The following HARS1 variants were observed in gnomAD, a reference collection of about 807,000 sequenced individuals.
HARS1 encodes the protein histidyl-tRNA synthetase 1.
HARS1 carries 45 observed loss-of-function variants against 63.6 expected under a neutral mutation model. That is an observed-to-expected ratio of 0.71 (90% CI 0.56 to 0.91). The LOEUF (loss-of-function observed/expected upper bound fraction) is 0.91, where lower values mean the gene tolerates loss of function less well. HARS1 is among the 40% of genes least tolerant of loss of function. The pLI, the probability that HARS1 is intolerant of heterozygous loss-of-function variation, is 0.00. For synonymous variants in HARS1, 205 were observed against 247.1 expected (o/e 0.83, Z 1.60); for missense variants, 508 against 643.2 (o/e 0.79, Z 2.27).
rs746588443 is a variant in HARS1, at chr5:140,691,305, C to T, written c.-1G>A. The T allele has an allele frequency of 6.2e-6, 10 of 1,602,470 alleles. No individual in the cohort carries two copies. The East Asian group carries it at 2.2e-4, about 36-fold the overall frequency. ...CCTCCAGCGCCGCACGCTCTGCCATCCCGGCTGTCCACTTGAGCCGCCTGC... is the reference window on the plus strand; with the variant it reads ...CCTCCAGCGCCGCACGCTCTGCCATTCCGGCTGTCCACTTGAGCCGCCTGC... On this transcript the variant is annotated 5_prime_UTR_variant, in exon 1 of 13. Coordinates refer to ENST00000504156, the MANE Select transcript of HARS1 (RefSeq NM_002109.6).
In HARS1 at chr5:140,674,318, C is replaced by T. The variant is rs1295541335; in HGVS notation, c.1469G>A (p.Arg490Gln). 1.2e-6 allele frequency: 2 copies of T among 1,610,034 alleles called. No individual in the cohort carries two copies. Among genetic ancestry groups the T allele is most frequent in the Admixed American group, 1.7e-5 (1 of 60,006 alleles). Residue 490 changes from arginine (R) to glutamine (Q), a missense_variant, in exon 13 of 13, where the codon CGA becomes CAA. Physicochemically the swap from Arg to Gln is conservative, Grantham distance 43. This residue lies in a region of HARS1 where 403 missense variants were observed against 548.7 expected (regional missense o/e 0.73). Transcript: ENST00000504156. ...GATTTCCTCCACAAGGTCTTCTCTTCGGACATCCACCTGGCCAGGATGGGA... is the reference window on the plus strand; with the variant it reads ...GATTTCCTCCACAAGGTCTTCTCTTTGGACATCCACCTGGCCAGGATGGGA... ...SVTSREEVDVRREDLVEEIKR... is the reference protein window; with the variant it reads ...SVTSREEVDVQREDLVEEIKR...
Position 140,676,686 on chromosome 5 carries a change from G to A in HARS1, c.1162C>T (p.Arg388Trp), listed in dbSNP as rs761949872. 3.1e-6 allele frequency: 5 copies of A among 1,614,014 alleles called. No homozygotes were observed. Among genetic ancestry groups the A allele is most frequent in the African/African-American group, 1.3e-5 (1 of 74,902 alleles). ...PCVGLSIGVERIFSIVEQRLE... is the reference protein window; with the variant it reads ...PCVGLSIGVEWIFSIVEQRLE... ...CTCTGTTCCACGATGGAGAAAATCC[G>A]CTCCACCCCAATGCTGAGCCCCACA... Residue 388 changes from arginine to tryptophan, a missense_variant, in exon 10 of 13, where the codon CGG becomes TGG. Arg to Trp is a moderately radical substitution (Grantham distance 101). Coordinates refer to ENST00000504156, the MANE Select transcript of HARS1 (RefSeq NM_002109.6). This position sits in a 1 kb window ranked among gnomAD's most constrained non-coding sequence, Gnocchi z 4.1.
chr5:140,684,867 G>A (rs1758927782), intron 2 of HARS1: 1 of 152,152 alleles, frequency 6.6e-6, no homozygotes, highest in Non-Finnish European at 1.5e-5. Context: ...AAAGGTAACT[G>A]TTTTCCAAAA....
chr5:140,674,203 C>G lies in HARS1; in HGVS notation c.*54G>C. On this transcript the variant is annotated 3_prime_UTR_variant, in exon 13 of 13. Coordinates refer to ENST00000504156, the MANE Select transcript of HARS1 (RefSeq NM_002109.6). ...CAATTGAAGTACATATGCAGTTTGT[C>G]TTAACCTCAAATAGTGCCAGTCCCA... 3 of 1,129,902 alleles carry G rather than the reference C, an allele frequency of 2.7e-6. No individual in the cohort carries two copies. The highest frequency in any genetic ancestry group is 2.5e-5 in the South Asian group (2 of 81,454). 70.0% of individuals were successfully genotyped at this position (1,129,902 alleles called of 1,614,324 possible). A position where few individuals can be genotyped will look rare whatever the true frequency, so the allele number is the denominator to read the frequency against.
Position 140,677,939 on chromosome 5 carries a change from C to T in HARS1, c.599G>A (p.Ser200Asn). 1 of 1,611,838 alleles carries T rather than the reference C, an allele frequency of 6.2e-7. No homozygotes were observed. The highest frequency in any genetic ancestry group is 8.5e-7 in the Non-Finnish European group (1 of 1,178,126). ...ECLKIMCEIL[S>N]SLQIGDFLVK... ...CAGGAAGTCGCCTATCTGAAGTGAACTCAGGATCTCGCACATGATCTTCAG... is the reference window on the plus strand; with the variant it reads ...CAGGAAGTCGCCTATCTGAAGTGAATTCAGGATCTCGCACATGATCTTCAG... The change falls in exon 6 of 13, where the codon AGT (serine) becomes AAT (asparagine). Residue 200 changes from serine (S) to asparagine (N), a missense_variant. Physicochemically the swap from Ser to Asn is conservative, Grantham distance 46. This residue lies in a region of HARS1 where 403 missense variants were observed against 548.7 expected (regional missense o/e 0.73). Transcript: ENST00000504156.
intron 2 of HARS1, among the ~76,000 whole-genome samples, chr5:140,686,586 G>A (rs557855171): frequency 1.1e-4 from 17 of 151,122 alleles, no homozygotes; most frequent in South Asian, 2.1e-4. Flanking sequence ...GATGGAAGAT[G>A]CAAGTTTTCT....
At chr5:140,674,509 G>A (rs1758238116) in intron 12 of HARS1, among the ~76,000 whole-genome samples, 170 bp downstream of exon 12, 1 of 152,098 alleles carries the variant, frequency 6.6e-6, no homozygotes, top group South Asian at 2.1e-4. Context: ...GGTATATGCA[G>A]GGATGGAGAT....
At position 140,676,866 on chromosome 5, in the gene HARS1, G is replaced by T. The variant is rs1758401686; in HGVS notation, c.982C>A (p.Leu328Met). ...TAGATCACCCCAGTGTAGTAATCCA[G>T]CCCTCGAGCAAGGCTCAGGTCAAAG... ...ISFDLSLARGLDYYTGVIYEA... is the reference protein window; with the variant it reads ...ISFDLSLARGMDYYTGVIYEA... Residue 328 changes from leucine to methionine, a missense_variant, in exon 10 of 13, where the codon CTG (leucine) becomes ATG (methionine). Physicochemically the swap from Leu to Met is conservative, Grantham distance 15. Coordinates refer to ENST00000504156, the MANE Select transcript of HARS1 (RefSeq NM_002109.6). This position sits in a 1 kb window ranked among gnomAD's most constrained non-coding sequence, Gnocchi z 4.1. The T allele has an allele frequency of 6.2e-7, 1 of 1,613,862 alleles. No homozygotes were observed. The highest frequency in any genetic ancestry group is 1.7e-5 in the Admixed American group (1 of 59,998).
At chr5:140,680,795 G>A (rs1019784335) in intron 3 of HARS1, among the ~76,000 whole-genome samples, 2 of 150,766 alleles carry the variant, frequency 1.3e-5, no homozygotes, top group East Asian at 2.0e-4. Flanking sequence ...AGCAGAGATC[G>A]CACCATTGCA....
chr5:140,683,278 G>A, intron 2 of HARS1, 59 bp from the exon 3 acceptor site: 4 of 1,559,452 alleles, frequency 2.6e-6, no homozygotes, highest in Admixed American at 3.5e-5. Flanking sequence ...AGAACAATAT[G>A]TTTTGGAAAT....
Position 140,679,793 on chromosome 5 carries a change from G to A in HARS1, c.391C>T (p.Leu131Phe). 1 of 1,567,714 alleles carries A rather than the reference G, an allele frequency of 6.4e-7. No homozygotes were observed. The highest frequency in any genetic ancestry group is 1.7e-5 in the Admixed American group (1 of 59,526). ...GGELLSLRYD[L>F]TVPFARYLAM... The stretch of plus-strand genomic sequence containing the variant: ...GCCCAAGTTTAGAAAGATACAGTGA[G>A]GTCATAGCGAAGGGACAGGAGCTCC... The change falls in exon 4 of 13, where the codon CTC (leucine) becomes TTC (phenylalanine). Residue 131 changes from leucine (L) to phenylalanine (F), a missense_variant. This residue lies in a region of HARS1 where 403 missense variants were observed against 548.7 expected (regional missense o/e 0.73). Transcript: ENST00000504156. The surrounding 1 kb of genome is among the most constrained non-coding windows in gnomAD (Gnocchi z 4.3).
At chr5:140,689,853 A>G (rs1252700933) in intron 2 of HARS1, among the ~76,000 whole-genome samples, 5 of 152,210 alleles carry the variant, frequency 3.3e-5, no homozygotes, top group Non-Finnish European at 4.4e-5. Context: ...AGTGGAACTG[A>G]ACTGGAGGAT....
intron 10 of HARS1, 31 bp from the exon 11 acceptor site, chr5:140,675,164 G>T: frequency 2.2e-6 from 3 of 1,356,032 alleles, no homozygotes; most frequent in Non-Finnish European, 3.2e-6. Context: ...AGAGAGCTGG[G>T]CTAACACCTT....
intron 11 of HARS1, 90 bp from the exon 12 acceptor site, chr5:140,674,915 A>G (rs1758271120): frequency 6.6e-7 from 1 of 1,525,432 alleles, no homozygotes; most frequent in Non-Finnish European, 9.1e-7. Flanking sequence ...TCTTAGCTCT[A>G]CTTTTGAGAA....
chr5:140,675,238 G>C, intron 10 of HARS1, 105 bp from the exon 11 acceptor site: 1 of 750,598 alleles, frequency 1.3e-6, no homozygotes. Context: ...AGCTCTACCA[G>C]GGCAGGGGCC....
Position 140,675,150 on chromosome 5 carries a change from TAA to T in HARS1, c.1195-19_1195-18del. The T allele has an allele frequency of 1.3e-6, 2 of 1,501,018 alleles. No homozygotes were observed. The highest frequency in any genetic ancestry group is 1.9e-6 in the Non-Finnish European group (2 of 1,077,334). 93.0% of individuals were successfully genotyped at this position (1,501,018 alleles called of 1,614,324 possible). A position where few individuals can be genotyped will look rare whatever the true frequency, so the allele number is the denominator to read the frequency against. On this transcript the variant is annotated intron_variant, in intron 10 of 12. Transcript: ENST00000504156. ...CTCCAAAGCCTGGGGAAGGGGCAGA[TAA>T]AAGAGAGCTGGGCTAACACCTTCAA...
At chr5:140,682,364 T>C (rs1298160972) in intron 3 of HARS1, among the ~76,000 whole-genome samples, 1 of 152,058 alleles carries the variant, frequency 6.6e-6, no homozygotes, top group Non-Finnish European at 1.5e-5. Context: ...ACACTGACTA[T>C]GTTCCAAGAG....
Position 140,679,814 on chromosome 5 carries a change from G to A in HARS1, c.370C>T (p.Leu124Phe). 2 of 1,606,594 alleles carry A rather than the reference G, an allele frequency of 1.2e-6. No individual in the cohort carries two copies. The highest frequency in any genetic ancestry group is 1.7e-6 in the Non-Finnish European group (2 of 1,173,418). Reference sequence around the variant, plus strand: ...GTGAGGTCATAGCGAAGGGACAGGAGCTCCCCGCCCTGGTCCTTCAGGTCA... The same window carrying A: ...GTGAGGTCATAGCGAAGGGACAGGAACTCCCCGCCCTGGTCCTTCAGGTCA... ...IYDLKDQGGELLSLRYDLTVP... is the reference protein window; with the variant it reads ...IYDLKDQGGEFLSLRYDLTVP... The change falls in exon 4 of 13, where the codon CTC (leucine) becomes TTC (phenylalanine). Residue 124 changes from leucine to phenylalanine, a missense_variant. Around this residue, in one of 2 missense-constraint regions of HARS1, gnomAD observed 403 missense variants for 548.7 expected, o/e 0.73. Coordinates refer to ENST00000504156, the MANE Select transcript of HARS1 (RefSeq NM_002109.6). The surrounding 1 kb of genome is among the most constrained non-coding windows in gnomAD (Gnocchi z 4.3).
chr5:140,690,809 TAG>T, intron 2 of HARS1, 44 bp downstream of exon 2: 1 of 1,050,050 alleles, frequency 9.5e-7, no homozygotes, highest in Non-Finnish European at 1.5e-6. Flanking sequence ...GCCCCGTGAG[TAG>T]AGTTAGAGAC....
Sources: gnomAD v4.1 joint callset for allele counts (sites outside exome capture counted in the v4.1 genomes callset) on GRCh38, gnomAD v4.1.1 for gene constraint, gnomAD v4.1.1 regional missense constraint, Gnocchi (gnomAD v3.1) non-coding constraint, MANE v1.5 for transcripts, NCBI Gene and HGNC (gene_info 2026-07-23, HGNC 2026-07-21) for gene names.